The following SGCZ variants were observed in gnomAD, a reference collection of about 807,000 sequenced individuals.
SGCZ encodes zeta-sarcoglycan.
In SGCZ, 40 loss-of-function variants were observed where a neutral mutation model predicts 41.3. The observed-to-expected ratio is 0.97, with a 90% CI of 0.75 to 1.26. The LOEUF is 1.26. Among genes scored for constraint, SGCZ ranks in the 50% most tolerant of loss-of-function variants. SGCZ has a pLI of 0.00. For synonymous variants in SGCZ, 206 were observed against 137.5 expected, an observed-to-expected ratio of 1.50 and a Z score of -3.49; for missense variants, 552 against 369.8, an observed-to-expected ratio of 1.49 and a Z score of -4.04.
chr8:15,207,774 T>G (rs1166841355), intron 1 of SGCZ, among the ~76,000 whole-genome samples: 1 of 152,050 alleles, frequency 6.6e-6, no homozygotes, highest in African/African-American at 2.4e-5. Flanking sequence ...AACCAGAGCT[T>G]TTTTATATAA....
chr8:14,883,130 T>G (rs1310815772), intron 1 of SGCZ, among the ~76,000 whole-genome samples: 1 of 151,970 alleles, frequency 6.6e-6, no homozygotes, highest in Non-Finnish European at 1.5e-5. Flanking sequence ...GTAAACTCTT[T>G]CTCATTTCAT....
chr8:14,244,518 A>C (rs1266044002), intron 3 of SGCZ, among the ~76,000 whole-genome samples: 1 of 152,134 alleles, frequency 6.6e-6, no homozygotes, highest in Non-Finnish European at 1.5e-5. Flanking sequence ...GTTTGAAGTC[A>C]GGTAGCATGA....
At chr8:14,789,629 G>C (rs2130463779) in intron 1 of SGCZ, among the ~76,000 whole-genome samples, 1 of 152,182 alleles carries the variant, frequency 6.6e-6, no homozygotes, top group South Asian at 2.1e-4. Context: ...ATTCAAGTGA[G>C]CCATCTTCCT....
intron 1 of SGCZ, among the ~76,000 whole-genome samples, chr8:15,047,687 G>C (rs1190963063): frequency 1.3e-5 from 2 of 151,966 alleles, no homozygotes; most frequent in Non-Finnish European, 2.9e-5. Flanking sequence ...CTGAAATTCT[G>C]AGAACATTCT....
At chr8:14,484,969 C>T (rs1801634051) in intron 2 of SGCZ, among the ~76,000 whole-genome samples, 1 of 152,074 alleles carries the variant, frequency 6.6e-6, no homozygotes, top group Non-Finnish European at 1.5e-5. Flanking sequence ...TTGAGTCTTA[C>T]CCTGAAATAA....
chr8:14,556,897 A>T (rs191691078), intron 1 of SGCZ, among the ~76,000 whole-genome samples: 4 of 152,112 alleles, frequency 2.6e-5, no homozygotes, highest in African/African-American at 9.6e-5. Context: ...ATAAACATGA[A>T]AGTGAAGTAT....
rs528639393 is a variant in SGCZ at position 14,927,812 on chromosome 8, CTA to C, written c.39+309771_39+309772del. On this transcript the variant is annotated intron_variant, in intron 1 of 7. Coordinates refer to ENST00000382080, the MANE Select transcript of SGCZ (RefSeq NM_139167.4). ...TAAAGGGTTAACTTCTAGTCTGACC[CTA>C]TGTTTCTTCTTTCAATAATTAATAC... Among the ~76,000 whole-genome samples, 56 of 152,208 alleles carry C rather than the reference CTA, an allele frequency of 3.7e-4. 1 individual carries two copies. In the South Asian group the frequency reaches 8.3e-3, roughly 23 times the overall value.
intron 1 of SGCZ, among the ~76,000 whole-genome samples, chr8:14,687,260 T>C (rs1443722243): frequency 1.3e-5 from 2 of 151,218 alleles, no homozygotes; most frequent in African/African-American, 2.4e-5. Context: ...TAGTTACATA[T>C]GTATACTTGT....
rs2256534 is a variant in SGCZ, at chr8:14,786,710, A to G, written c.40-231784T>C. ...AGTTTAATTGGAGTTTATTTTTAGAATTACAAATATCTAAAGGGAATCATG... is the reference window on the plus strand; with the variant it reads ...AGTTTAATTGGAGTTTATTTTTAGAGTTACAAATATCTAAAGGGAATCATG... On this transcript the variant is annotated intron_variant, in intron 1 of 7. Coordinates refer to ENST00000382080, the MANE Select transcript of SGCZ (RefSeq NM_139167.4). 4.5e-3 allele frequency among the ~76,000 whole-genome samples: 688 copies of G among 152,270 alleles called. 11 individuals carry two copies. The highest frequency in any genetic ancestry group is 0.015 in the African/African-American group (637 of 41,552).
chr8:14,691,794 T>C (rs571456930), intron 1 of SGCZ, among the ~76,000 whole-genome samples: 1 of 152,076 alleles, frequency 6.6e-6, no homozygotes, highest in East Asian at 1.9e-4. Flanking sequence ...CAATAAAATT[T>C]TTTTTGCCGT....
chr8:15,169,699 C>G lies in SGCZ; in HGVS notation c.39+67886G>C, dbSNP rs77614273. 2.4e-4 allele frequency among the ~76,000 whole-genome samples: 37 copies of G among 152,306 alleles called. 1 individual carries two copies. The East Asian group carries it at 6.6e-3, about 27-fold the overall frequency. ...GAGGGCTTTCTTTCCAGGTTGCACA[C>G]TGCTCATTTCCTGTATCTTCACATG... On this transcript the variant is annotated intron_variant, in intron 1 of 7. Coordinates refer to ENST00000382080, the MANE Select transcript of SGCZ (RefSeq NM_139167.4).
At chr8:15,086,646 T>A (rs1297703282) in intron 1 of SGCZ, among the ~76,000 whole-genome samples, 2 of 126,462 alleles carry the variant, frequency 1.6e-5, no homozygotes, top group African/African-American at 6.0e-5. Context: ...TATTTGTCAA[T>A]TTAAAAATTC....
intron 2 of SGCZ, among the ~76,000 whole-genome samples, chr8:14,475,986 T>C (rs557811724): frequency 3.2e-4 from 48 of 152,116 alleles, no homozygotes; most frequent in African/African-American, 1.2e-3. Flanking sequence ...TATTTTTTTT[T>C]TTTTAAGACA....
At chr8:14,475,156 T>C (rs1801322264) in intron 2 of SGCZ, among the ~76,000 whole-genome samples, 1 of 152,176 alleles carries the variant, frequency 6.6e-6, no homozygotes, top group Admixed American at 6.5e-5. Context: ...ATGTTTAATA[T>C]CATACTATTA....
At position 14,085,128 on chromosome 8, in the gene SGCZ, G is replaced by A. The variant is rs988297154; in HGVS notation, c.*5315C>T. Among the ~76,000 whole-genome samples, 7 of 151,756 alleles carry A rather than the reference G, an allele frequency of 4.6e-5. No individual in the cohort carries two copies. The highest frequency in any genetic ancestry group is 1.4e-4 in the African/African-American group (6 of 41,386). ...TTATCTACAGTTTATAGGGCAGACA[G>A]TCCATTTAAATAGAAAAAGTGATTT... On this transcript the variant is annotated 3_prime_UTR_variant, in exon 8 of 8. Coordinates refer to ENST00000382080, the MANE Select transcript of SGCZ (RefSeq NM_139167.4).
chr8:14,833,466 G>A (rs1563302228), intron 1 of SGCZ, among the ~76,000 whole-genome samples: 1 of 152,144 alleles, frequency 6.6e-6, no homozygotes, highest in Non-Finnish European at 1.5e-5. Context: ...CCATTGACAT[G>A]GGTCCAGGAA....
intron 1 of SGCZ, among the ~76,000 whole-genome samples, chr8:15,190,254 G>C (rs1800487762): frequency 6.6e-6 from 1 of 152,094 alleles, no homozygotes; most frequent in Admixed American, 6.5e-5. Flanking sequence ...CCTGATATCA[G>C]AGTGCCATCA....
chr8:15,132,061 C>G lies in SGCZ; in HGVS notation c.39+105524G>C, dbSNP rs193226216. Among the ~76,000 whole-genome samples, 285 of 152,292 alleles carry G rather than the reference C, an allele frequency of 1.9e-3. 1 individual carries two copies. Among genetic ancestry groups the G allele is most frequent in the African/African-American group, 6.7e-3 (280 of 41,556 alleles). On this transcript the variant is annotated intron_variant, in intron 1 of 7. Transcript: ENST00000382080. ...TTCTTTCAATGCATTGGTGGAAGTA[C>G]ATAAAAGCCCCTGGAAATTGTTCAT... is the stretch of plus-strand genomic sequence containing the variant.
intron 4 of SGCZ, among the ~76,000 whole-genome samples, chr8:14,179,109 G>C (rs1804640969): frequency 6.6e-6 from 1 of 152,156 alleles, no homozygotes; most frequent in Non-Finnish European, 1.5e-5. Flanking sequence ...ATCTGCCAGG[G>C]GGACACTCTA....
Sources: allele counts gnomAD v4.1 joint callset (sites outside exome capture counted in the v4.1 genomes callset), GRCh38; gene constraint gnomAD v4.1.1; transcripts MANE v1.5; gene names NCBI Gene and HGNC (gene_info 2026-07-23, HGNC 2026-07-21).